Variants in PUM3 observed in about 807,000 individuals in gnomAD.
The protein encoded by PUM3 is pumilio homolog 3.
A neutral mutation model predicts 84.0 loss-of-function variants in PUM3; 91 were observed. The ratio of observed to expected loss-of-function variants is 1.08; its 90% CI spans 0.91 to 1.29. The LOEUF (loss-of-function observed/expected upper bound fraction) is 1.29. Among genes scored for constraint, PUM3 ranks in the 50% most tolerant of loss-of-function variants. The pLI is 0.00. For missense variants in PUM3, 1,067 were observed against 767.5 expected (o/e 1.39, Z -4.61); for synonymous variants, 321 against 266.7 (o/e 1.20, Z -1.98).
intron 7 of PUM3, 81 bp from the exon 8 acceptor site, chr9:2,830,029 A>T: frequency 8.1e-7 from 1 of 1,229,672 alleles, no homozygotes; most frequent in Non-Finnish European, 1.2e-6. Flanking sequence ...ACTTCTCCCA[A>T]GACCAACTCA....
chr9:2,833,558 C>G, intron 4 of PUM3, 126 bp from the exon 5 acceptor site: 3 of 512,256 alleles, frequency 5.9e-6, no homozygotes, highest in Non-Finnish European at 6.7e-6. Context: ...AGGCAGCAAA[C>G]CTCTGCCATT....
At chr9:2,843,159 T>C (rs369651340) in intron 1 of PUM3, among the ~76,000 whole-genome samples, 3 of 152,184 alleles carry the variant, frequency 2.0e-5, no homozygotes, top group African/African-American at 7.2e-5. Context: ...TGTTTTCCTA[T>C]TGTACAGAAA....
At chr9:2,823,985 A>G in intron 11 of PUM3, 151 bp from the exon 12 acceptor site, 1 of 500,854 alleles carries the variant, frequency 2.0e-6, no homozygotes, top group Non-Finnish European at 3.5e-6. Flanking sequence ...CAGAACAAAA[A>G]AACTGTAATA....
chr9:2,819,381 A>C (rs965316841), intron 13 of PUM3, among the ~76,000 whole-genome samples: 1 of 152,206 alleles, frequency 6.6e-6, no homozygotes, highest in African/African-American at 2.4e-5. Flanking sequence ...AAGTATTACC[A>C]CTTTATGGCC....
intron 2 of PUM3, among the ~76,000 whole-genome samples, 178 bp downstream of exon 2, chr9:2,838,248 G>C (rs1816180443): frequency 6.6e-6 from 1 of 152,138 alleles, no homozygotes; most frequent in Non-Finnish European, 1.5e-5. Flanking sequence ...AATCATTCTT[G>C]CAATTTCTTA....
chr9:2,842,358 CT>C, intron 1 of PUM3, among the ~76,000 whole-genome samples: 1 of 152,266 alleles, frequency 6.6e-6, no homozygotes, highest in South Asian at 2.1e-4. Flanking sequence ...GCTCCAATAG[CT>C]TCAAAGCTTT....
intron 17 of PUM3, 103 bp downstream of exon 17, chr9:2,807,711 T>G (rs141909409): frequency 2.8e-6 from 2 of 711,824 alleles, no homozygotes; most frequent in Non-Finnish European, 4.8e-6. Context: ...GGAGTAATAT[T>G]AGACTACTGA....
intron 12 of PUM3, among the ~76,000 whole-genome samples, chr9:2,821,149 C>T (rs1013118970): frequency 2.0e-5 from 3 of 152,054 alleles, no homozygotes; most frequent in African/African-American, 7.2e-5. Flanking sequence ...CAACAACCAA[C>T]TAAAAATGGG....
Position 2,820,008 on chromosome 9 carries a change from G to T in PUM3, c.1269+10C>A. 2 of 1,563,932 alleles carry T rather than the reference G, an allele frequency of 1.3e-6. No individual in the cohort carries two copies. Among genetic ancestry groups the T allele is most frequent in the South Asian group, 2.2e-5 (2 of 89,528 alleles). ...TGTAACTTAAATTCAAGACCATCAGGATTACTTACTGATATGATTATCTGC... is the reference window on the plus strand; with the variant it reads ...TGTAACTTAAATTCAAGACCATCAGTATTACTTACTGATATGATTATCTGC... On this transcript the variant is annotated intron_variant, in intron 13 of 17. Transcript: ENST00000397885.
At chr9:2,809,261 A>T (rs1354142464) in intron 16 of PUM3, among the ~76,000 whole-genome samples, 1 of 152,216 alleles carries the variant, frequency 6.6e-6, no homozygotes, top group Non-Finnish European at 1.5e-5. Context: ...GCTGAATACG[A>T]CAAGACAAAC....
chr9:2,839,961 A>G (rs1816226255), intron 1 of PUM3, among the ~76,000 whole-genome samples: 1 of 152,146 alleles, frequency 6.6e-6, no homozygotes, highest in Non-Finnish European at 1.5e-5. Flanking sequence ...GTTGAGTTGG[A>G]GTTTACCAGT....
chr9:2,843,501 G>A (rs1816321317), intron 1 of PUM3, among the ~76,000 whole-genome samples: 1 of 152,040 alleles, frequency 6.6e-6, no homozygotes, highest in African/African-American at 2.4e-5. Context: ...CTGGGATTCC[G>A]GAGTGAAGCT....
In PUM3 at chr9:2,811,456, T is replaced by C. The variant is rs749006386; in HGVS notation, c.1540A>G (p.Ile514Val). Residue 514 changes from isoleucine to valine, a missense_variant, in exon 15 of 18, where the codon ATT (isoleucine) becomes GTT (valine). Physicochemically the swap from Ile to Val is conservative, Grantham distance 29. Transcript: ENST00000397885. ...ACGTCTCCAGTGGCAGATCCCAGAA[T>C]GTCAGACACCAACACACACGCAGAC... ...DKSACVLVSD[I>V]LGSATGDVQP... is the part of the protein sequence containing the mutation. 2 of 1,614,176 alleles carry C rather than the reference T, an allele frequency of 1.2e-6. No individual in the cohort carries two copies. Among genetic ancestry groups the C allele is most frequent in the Non-Finnish European group, 8.5e-7 (1 of 1,180,022 alleles).
intron 10 of PUM3, among the ~76,000 whole-genome samples, chr9:2,825,919 A>G (rs1310198570): frequency 1.3e-5 from 2 of 152,218 alleles, no homozygotes; most frequent in Non-Finnish European, 2.9e-5. Context: ...AAGAGAGGGT[A>G]GGTGCCTAAT....
In PUM3 at chr9:2,836,759, T is replaced by C. The variant is rs76269306; in HGVS notation, c.304+421A>G. 1.0e-2 allele frequency among the ~76,000 whole-genome samples: 1,515 copies of C among 152,212 alleles called. 28 individuals carry two copies. The highest frequency in any genetic ancestry group is 0.035 in the African/African-American group (1,469 of 41,520). The stretch of plus-strand genomic sequence containing the variant: ...GACAGACTGATTCTTTAAAGCCAGA[T>C]TCTATGATTAGTTGGGGCCTGTATC... On this transcript the variant is annotated intron_variant, in intron 3 of 17. Transcript: ENST00000397885.
intron 1 of PUM3, among the ~76,000 whole-genome samples, chr9:2,838,984 G>T (rs1414123981): frequency 2.0e-4 from 30 of 152,116 alleles, no homozygotes; most frequent in Admixed American, 1.9e-3. Context: ...AGAAAATAAA[G>T]GATTATCTGA....
chr9:2,833,447 AG>A lies in PUM3; in HGVS notation c.441-16del. On this transcript the variant is annotated splice_polypyrimidine_tract_variant and intron_variant, in intron 4 of 17. Coordinates refer to ENST00000397885, the MANE Select transcript of PUM3 (RefSeq NM_014878.5). ...CACAGTCTTTTCTACAAATGAGGAG[AG>A]GAAGGAAACACAGTTGAAATAAAGA... 1 of 1,426,232 alleles carries A rather than the reference AG, an allele frequency of 7.0e-7. No individual in the cohort carries two copies. Among genetic ancestry groups the A allele is most frequent in the African/African-American group, 1.4e-5 (1 of 70,732 alleles). The allele number at this position is 1,426,232 out of a possible 1,614,324, so 88.3% of individuals were successfully genotyped here. A position where few individuals can be genotyped will look rare whatever the true frequency, so the allele number is the denominator to read the frequency against.
At chr9:2,821,478 G>C (rs1815625756) in intron 12 of PUM3, among the ~76,000 whole-genome samples, 1 of 131,174 alleles carries the variant, frequency 7.6e-6, no homozygotes, top group Non-Finnish European at 1.6e-5. Flanking sequence ...TGAAGAGTCA[G>C]ATCACACTAA....
At chr9:2,804,532 A>G in intron 17 of PUM3, 69 bp from the exon 18 acceptor site, 2 of 1,436,514 alleles carry the variant, frequency 1.4e-6, no homozygotes, top group Non-Finnish European at 1.9e-6. Flanking sequence ...CTGTACCAAC[A>G]GTAAAAAAGA....
Sources: gnomAD v4.1 joint callset for allele counts (sites outside exome capture counted in the v4.1 genomes callset) on GRCh38, gnomAD v4.1.1 for gene constraint, MANE v1.5 for transcripts, NCBI Gene and HGNC (gene_info 2026-07-23, HGNC 2026-07-21) for gene names.